FSTL4: variants seen among roughly 807,000 people sequenced by gnomAD.
FSTL4 encodes the protein follistatin like 4, also known as follistatin-related protein 4.
A neutral mutation model predicts 78.2 loss-of-function variants in FSTL4; 28 were observed. That is an observed-to-expected ratio of 0.36 (90% confidence interval 0.27 to 0.49). The LOEUF is 0.49. FSTL4 is among the 20% of genes least tolerant of loss of function. The pLI is 0.98. For synonymous variants in FSTL4, 422 were observed against 440.5 expected (o/e 0.96, Z 0.53); for missense variants, 922 against 1,084.9 (o/e 0.85, Z 2.11).
At chr5:133,777,005 C>G in the FSTL4 span, among the ~76,000 whole-genome samples, 1 of 152,168 alleles carries the variant, frequency 6.6e-6, no homozygotes, top group African/African-American at 2.4e-5. Flanking sequence ...ACCTCAGCTT[C>G]CCATCACTCA....
At chr5:133,258,969 A>G (rs1261669641) in intron 6 of FSTL4, among the ~76,000 whole-genome samples, 3 of 152,070 alleles carry the variant, frequency 2.0e-5, no homozygotes, top group African/African-American at 7.2e-5. Flanking sequence ...CTGTACAGGG[A>G]GCTCACTCCT....
At chr5:133,291,051 T>C (rs1286607693) in intron 6 of FSTL4, among the ~76,000 whole-genome samples, 1 of 152,208 alleles carries the variant, frequency 6.6e-6, no homozygotes, top group Admixed American at 6.5e-5. Context: ...CAAGGTCACG[T>C]GCAGCTCTCA....
chr5:133,550,045 C>T (rs1468162552), intron 3 of FSTL4, among the ~76,000 whole-genome samples: 2 of 152,270 alleles, frequency 1.3e-5, no homozygotes, highest in East Asian at 3.9e-4. Context: ...TCGTAACAAT[C>T]AGAGTTCAAG....
intron 4 of FSTL4, among the ~76,000 whole-genome samples, chr5:133,332,769 A>G (rs1409343824): frequency 6.6e-6 from 1 of 152,230 alleles, no homozygotes; most frequent in Non-Finnish European, 1.5e-5. Flanking sequence ...ATGGCTCCTA[A>G]TAAAAACAGG....
chr5:133,650,892 C>CTCT, the FSTL4 span, among the ~76,000 whole-genome samples: 1 of 152,164 alleles, frequency 6.6e-6, no homozygotes, highest in African/African-American at 2.4e-5. Flanking sequence ...CATGAAATAT[C>CTCT]TCTTCATTTA....
intron 3 of FSTL4, among the ~76,000 whole-genome samples, chr5:133,537,148 T>A (rs1759365962): frequency 6.6e-6 from 1 of 152,348 alleles, no homozygotes; most frequent in East Asian, 1.9e-4. Context: ...GGTTTCCACA[T>A]AAATTATAGA....
intron 7 of FSTL4, 116 bp from the exon 8 acceptor site, chr5:133,233,653 G>A: frequency 1.5e-6 from 2 of 1,308,496 alleles, no homozygotes; most frequent in Non-Finnish European, 2.1e-6. Context: ...CTTTCTGCCT[G>A]GCCCTTGCTC....
At chr5:133,708,602 G>A in the FSTL4 span, among the ~76,000 whole-genome samples, 2 of 152,320 alleles carry the variant, frequency 1.3e-5, no homozygotes, top group Admixed American at 1.3e-4. Context: ...GTGGCACAAG[G>A]AAATCCACAG....
intron 2 of FSTL4, among the ~76,000 whole-genome samples, chr5:133,581,976 T>C (rs256261): frequency 0.45 from 67,725 of 152,120 alleles, 15,490 homozygotes; most frequent in Middle Eastern, 0.61. Flanking sequence ...GGGTGCCCTG[T>C]TACTCCCACA....
the FSTL4 span, among the ~76,000 whole-genome samples, chr5:133,634,991 A>C: frequency 6.6e-6 from 1 of 151,968 alleles, no homozygotes; most frequent in Non-Finnish European, 1.5e-5. Context: ...AGGATCTCTT[A>C]TTTATTGCAT....
intron 7 of FSTL4, among the ~76,000 whole-genome samples, chr5:133,246,202 A>G (rs773369699): frequency 6.6e-6 from 1 of 152,118 alleles, no homozygotes; most frequent in Non-Finnish European, 1.5e-5. Flanking sequence ...ATCGTATTTC[A>G]TCTCCCACTG....
chr5:133,199,843 G>T lies in FSTL4; in HGVS notation c.1827-46C>A. ...GTCAGAAGTTGCCTCCAGGGGTGGG[G>T]AATCTGTCATTTGTCTTAAACAATT... On this transcript the variant is annotated intron_variant, in intron 15 of 15. Transcript: ENST00000265342. The surrounding 1 kb of genome is among the most constrained non-coding windows in gnomAD (Gnocchi z 4.4). The T allele has an allele frequency of 1.0e-6, 1 of 998,762 alleles. No homozygotes were observed. Among genetic ancestry groups the T allele is most frequent in the Non-Finnish European group, 1.5e-6 (1 of 667,926 alleles). 61.9% of individuals were successfully genotyped at this position (998,762 alleles called of 1,614,324 possible). A position where few individuals can be genotyped will look rare whatever the true frequency, so the allele number is the denominator to read the frequency against.
the FSTL4 span, among the ~76,000 whole-genome samples, chr5:133,801,478 C>T: frequency 2.0e-5 from 3 of 152,236 alleles, no homozygotes; most frequent in Middle Eastern, 3.2e-3. Flanking sequence ...CTCTTAACCA[C>T]ATCCTGAATC....
the FSTL4 span, among the ~76,000 whole-genome samples, chr5:133,838,261 T>C: frequency 1.3e-5 from 2 of 152,236 alleles, no homozygotes; most frequent in Non-Finnish European, 2.9e-5. Flanking sequence ...TCCGAAGACT[T>C]CAACTCATTT....
chr5:133,335,926 C>T (rs1034618718), intron 4 of FSTL4, among the ~76,000 whole-genome samples: 2 of 152,142 alleles, frequency 1.3e-5, no homozygotes, highest in African/African-American at 4.8e-5. Context: ...ATGTGGTTTG[C>T]ATTGAGGGAG....
intron 3 of FSTL4, chr5:133,458,034 T>C (rs1358647414): frequency 6.6e-6 from 1 of 152,216 alleles, no homozygotes; most frequent in East Asian, 1.9e-4. Flanking sequence ...TATCTATCTA[T>C]ACGTTCAGCT....
At chr5:133,614,607 T>C (rs967569849), upstream of FSTL4, among the ~76,000 whole-genome samples, 1 of 152,164 alleles carries the variant, frequency 6.6e-6, no homozygotes, top group African/African-American at 2.4e-5. Flanking sequence ...TACCTCTCAG[T>C]GTAATTTTTT....
At chr5:133,790,573 C>T in the FSTL4 span, among the ~76,000 whole-genome samples, 1 of 152,276 alleles carries the variant, frequency 6.6e-6, no homozygotes, top group African/African-American at 2.4e-5. Context: ...TAGCCCTGAC[C>T]TCTCTCCAGG....
chr5:133,456,060 T>C (rs1443338142), intron 3 of FSTL4, among the ~76,000 whole-genome samples: 1 of 152,182 alleles, frequency 6.6e-6, no homozygotes, highest in Non-Finnish European at 1.5e-5. Context: ...GTTCTGGGGA[T>C]AGTAAGTTAG....
Sources: gnomAD v4.1 joint callset for allele counts (sites outside exome capture counted in the v4.1 genomes callset) on GRCh38, gnomAD v4.1.1 for gene constraint, Gnocchi (gnomAD v3.1) non-coding constraint, MANE v1.5 for transcripts, NCBI Gene and HGNC (gene_info 2026-07-23, HGNC 2026-07-21) for gene names.